The following CORIN variants were observed in gnomAD, a reference collection of about 807,000 sequenced individuals.
CORIN encodes the protein corin, serine peptidase.
Under a neutral mutation model 125.3 loss-of-function variants are expected in CORIN, and 117 were observed. The observed-to-expected ratio is 0.93, with a 90% CI of 0.80 to 1.09. The LOEUF (loss-of-function observed/expected upper bound fraction) is 1.09, where lower values mean the gene tolerates loss of function less well. Ranked by LOEUF, CORIN falls within the 50% of genes least tolerant of loss-of-function variation. CORIN has a pLI of 0.00. For synonymous variants in CORIN, 450 were observed against 466.4 expected (o/e 0.96, Z 0.45); for missense variants, 1,253 against 1,306.7 (o/e 0.96, Z 0.63).
At chr4:47,632,066 G>A (rs578124075) in intron 16 of CORIN, 8 of 152,216 alleles carry the variant, frequency 5.3e-5, no homozygotes, top group East Asian at 3.9e-4. Flanking sequence ...AAGTCACTTC[G>A]TTTAGTAATA....
chr4:47,748,318 T>C (rs1728754639), intron 4 of CORIN, among the ~76,000 whole-genome samples: 1 of 152,204 alleles, frequency 6.6e-6, no homozygotes, highest in African/African-American at 2.4e-5. Flanking sequence ...AACAAACAGA[T>C]TGATGACTTT....
At chr4:47,818,878 G>GAAAAAAAAAAA (rs79110235) in intron 1 of CORIN, among the ~76,000 whole-genome samples, 1 of 52,632 alleles carries the variant, frequency 1.9e-5, no homozygotes. Flanking sequence ...GTCAAAAACA[G>GAAAAAAAAAAA]AAAAAAAAAA....
At chr4:47,701,174 C>T (rs61761823) in intron 5 of CORIN, among the ~76,000 whole-genome samples, 8 of 152,196 alleles carry the variant, frequency 5.3e-5, no homozygotes, top group Non-Finnish European at 8.8e-5. Context: ...CTGTAGGCTT[C>T]ACCTTGCTGC....
chr4:47,627,773 T>A (rs1159690914), intron 16 of CORIN, among the ~76,000 whole-genome samples: 1 of 152,202 alleles, frequency 6.6e-6, no homozygotes, highest in Non-Finnish European at 1.5e-5. Flanking sequence ...CCTATGGACC[T>A]CCTAAATCCA....
chr4:47,760,245 G>A (rs139483381), intron 4 of CORIN, among the ~76,000 whole-genome samples: 7 of 152,228 alleles, frequency 4.6e-5, no homozygotes, highest in East Asian at 3.9e-4. Flanking sequence ...TTACATCTCC[G>A]TAGAGCTCTT....
chr4:47,709,420 G>A lies in CORIN; in HGVS notation c.800-16337C>T, dbSNP rs181105968. 2.0e-3 allele frequency among the ~76,000 whole-genome samples: 304 copies of A among 152,100 alleles called. 1 individual carries two copies. The highest frequency in any genetic ancestry group is 6.9e-3 in the African/African-American group (285 of 41,500). On this transcript the variant is annotated intron_variant, in intron 5 of 21. Transcript: ENST00000273857. ...GCAATCTTCCTACCTCAGTCCCCAAGTAGCTGGGACGACAGGCACCCACCA... is the reference window on the plus strand; with the variant it reads ...GCAATCTTCCTACCTCAGTCCCCAAATAGCTGGGACGACAGGCACCCACCA...
intron 3 of CORIN, among the ~76,000 whole-genome samples, chr4:47,776,537 A>G (rs568381299): frequency 6.6e-6 from 1 of 152,262 alleles, no homozygotes; most frequent in Non-Finnish European, 1.5e-5. Flanking sequence ...AACAGCCATC[A>G]GGACATCATA....
chr4:47,709,275 A>C (rs973081454), intron 5 of CORIN, among the ~76,000 whole-genome samples: 6 of 18,770 alleles, frequency 3.2e-4, no homozygotes, highest in South Asian at 1.5e-3. Context: ...GCAGTACTTT[A>C]TTTATTTATT....
chr4:47,629,320 G>T (rs1046927590), intron 16 of CORIN, among the ~76,000 whole-genome samples: 2 of 152,016 alleles, frequency 1.3e-5, no homozygotes, highest in African/African-American at 4.8e-5. Flanking sequence ...TCTTATATTT[G>T]TTGGCCATTC....
At chr4:47,687,700 G>A (rs1375547567) in intron 6 of CORIN, among the ~76,000 whole-genome samples, 6 of 152,082 alleles carry the variant, frequency 3.9e-5, no homozygotes. Flanking sequence ...ATGCAAGTAC[G>A]GATGCTCAGT....
At chr4:47,792,719 A>T (rs1731133681) in intron 2 of CORIN, among the ~76,000 whole-genome samples, 1 of 152,118 alleles carries the variant, frequency 6.6e-6, no homozygotes, top group African/African-American at 2.4e-5. Flanking sequence ...TCAAGGCTAT[A>T]AGCAAAACTA....
chr4:47,624,096 C>G (rs1722454396), intron 17 of CORIN, 148 bp from the exon 18 acceptor site: 2 of 681,742 alleles, frequency 2.9e-6, no homozygotes, highest in Admixed American at 2.7e-5. Context: ...CACAGGAAAG[C>G]ACATTCCTCT....
At chr4:47,670,079 C>T (rs755962634) in intron 10 of CORIN, among the ~76,000 whole-genome samples, 1 of 152,232 alleles carries the variant, frequency 6.6e-6, no homozygotes, top group Non-Finnish European at 1.5e-5. Context: ...TTATCGCACA[C>T]TCCTGGTGAA....
chr4:47,775,126 G>A (rs1372119066), intron 3 of CORIN, among the ~76,000 whole-genome samples: 6 of 152,104 alleles, frequency 3.9e-5, no homozygotes, highest in African/African-American at 1.4e-4. Context: ...CTGACTAGAC[G>A]CATACAAGTG....
intron 13 of CORIN, among the ~76,000 whole-genome samples, chr4:47,648,084 T>C (rs1723566892): frequency 6.6e-6 from 1 of 152,200 alleles, no homozygotes; most frequent in Non-Finnish European, 1.5e-5. Flanking sequence ...AGATATTAGT[T>C]ACATGGGAGA....
At chr4:47,601,697 AGAATTAATCATAGCTTT>A (rs1721453750) in intron 20 of CORIN, among the ~76,000 whole-genome samples, 1 of 152,172 alleles carries the variant, frequency 6.6e-6, no homozygotes. Context: ...CTTAAATTAC[AGAATTAATCATAGCTTT>A]GAAAAAAAAC....
At chr4:47,793,986 C>T (rs1181457165) in intron 2 of CORIN, among the ~76,000 whole-genome samples, 1 of 152,094 alleles carries the variant, frequency 6.6e-6, no homozygotes, top group East Asian at 1.9e-4. Context: ...TTAGACATAA[C>T]ATATAACCTC....
intron 19 of CORIN, among the ~76,000 whole-genome samples, chr4:47,615,096 A>G (rs992295165): frequency 6.6e-6 from 1 of 152,226 alleles, no homozygotes; most frequent in African/African-American, 2.4e-5. Flanking sequence ...CTGCAGAAAC[A>G]GCAAATACAA....
At chr4:47,727,140 T>C (rs1010928159) in intron 5 of CORIN, among the ~76,000 whole-genome samples, 1 of 152,022 alleles carries the variant, frequency 6.6e-6, no homozygotes, top group Admixed American at 6.6e-5. Flanking sequence ...TCTAATCAAG[T>C]TGTCATCTAA....
Sources: allele counts gnomAD v4.1 joint callset (sites outside exome capture counted in the v4.1 genomes callset), GRCh38; gene constraint gnomAD v4.1.1; transcripts MANE v1.5; gene names NCBI Gene and HGNC (gene_info 2026-07-23, HGNC 2026-07-21).